The following RIMS1 variants were observed in gnomAD, a reference collection of about 807,000 sequenced individuals.
The protein encoded by RIMS1 is regulating synaptic membrane exocytosis protein 1.
Under a neutral mutation model 214.1 loss-of-function variants are expected in RIMS1, and 83 were observed. The observed-to-expected ratio is 0.39, with a 90% CI of 0.32 to 0.47. The LOEUF is 0.47. Among genes scored for constraint, RIMS1 ranks in the 20% least tolerant of loss-of-function variants. The pLI is 0.99. For synonymous variants in RIMS1, 793 were observed against 786.8 expected (o/e 1.01, Z -0.13); for missense variants, 2,050 against 2,161.8 (o/e 0.95, Z 1.03).
chr6:72,214,991 G>A (rs2055192674), intron 6 of RIMS1, among the ~76,000 whole-genome samples: 1 of 152,132 alleles, frequency 6.6e-6, no homozygotes, highest in East Asian at 1.9e-4. Context: ...CAAAGTGTTG[G>A]TATTATAGGC....
chr6:72,088,469 G>A (rs1486772476), intron 2 of RIMS1, among the ~76,000 whole-genome samples: 1 of 151,910 alleles, frequency 6.6e-6, no homozygotes, highest in Non-Finnish European at 1.5e-5. Context: ...CCGGCTCCAG[G>A]CTGGTCTCGA....
intron 29 of RIMS1, among the ~76,000 whole-genome samples, chr6:72,356,360 C>G (rs2097645027): frequency 6.6e-6 from 1 of 151,964 alleles, no homozygotes; most frequent in South Asian, 2.1e-4. Context: ...TGAAAGGCCT[C>G]TAATGGCAAA....
intron 2 of RIMS1, among the ~76,000 whole-genome samples, chr6:72,025,802 G>A (rs558413296): frequency 3.9e-5 from 6 of 152,300 alleles, no homozygotes; most frequent in Non-Finnish European, 7.3e-5. Flanking sequence ...CTTTCATGAG[G>A]TTACAGTCAG....
intron 4 of RIMS1, among the ~76,000 whole-genome samples, chr6:72,116,248 G>T (rs2153825051): frequency 6.6e-6 from 1 of 151,978 alleles, no homozygotes; most frequent in South Asian, 2.1e-4. Flanking sequence ...TTACTGTTTG[G>T]CTTAGACCAT....
At chr6:71,890,494 C>G (rs1030780638) in intron 1 of RIMS1, among the ~76,000 whole-genome samples, 3 of 113,112 alleles carry the variant, frequency 2.7e-5, no homozygotes, top group African/African-American at 1.1e-4. Context: ...CAATATATTA[C>G]ATAGGCTGAA....
intron 6 of RIMS1, among the ~76,000 whole-genome samples, chr6:72,183,785 AAGTT>A (rs896432812): frequency 3.3e-5 from 5 of 152,146 alleles, no homozygotes; most frequent in African/African-American, 7.2e-5. Context: ...AAATAAGAAA[AAGTT>A]AGGTATGTCA....
intron 1 of RIMS1, among the ~76,000 whole-genome samples, chr6:71,907,779 C>G (rs914330715): frequency 9.9e-5 from 15 of 152,146 alleles, no homozygotes; most frequent in Non-Finnish European, 2.1e-4. Flanking sequence ...ATGAGAAAAT[C>G]AAGTGCATGG....
At position 71,965,156 on chromosome 6, in the gene RIMS1, C is replaced by T. The variant is rs1283658045; in HGVS notation, c.165-3827C>T. ...ATTTATGATAGGAAAATTCAAAAAC[C>T]GTAACATTAAGAACAGAAATGTAAA... On this transcript the variant is annotated intron_variant, in intron 1 of 33. Coordinates refer to ENST00000521978, the MANE Select transcript of RIMS1 (RefSeq NM_014989.7). 3.9e-5 allele frequency among the ~76,000 whole-genome samples: 6 copies of T among 152,074 alleles called. No homozygotes were observed. In the South Asian group the frequency reaches 6.2e-4, roughly 16 times the overall value.
intron 6 of RIMS1, among the ~76,000 whole-genome samples, chr6:72,227,976 TA>T (rs1434402023): frequency 2.0e-5 from 3 of 151,894 alleles, no homozygotes; most frequent in Non-Finnish European, 4.4e-5. Flanking sequence ...TTTCTTTTTT[TA>T]AAAACCACTT....
At chr6:71,974,069 G>A (rs1396633744) in intron 2 of RIMS1, among the ~76,000 whole-genome samples, 2 of 152,182 alleles carry the variant, frequency 1.3e-5, no homozygotes, top group Non-Finnish European at 2.9e-5. Context: ...CCCATGGGAA[G>A]TTGTTTCACC....
chr6:72,267,776 A>T (rs2081283076), intron 22 of RIMS1, among the ~76,000 whole-genome samples: 1 of 152,166 alleles, frequency 6.6e-6, no homozygotes, highest in African/African-American at 2.4e-5. Context: ...GGCAAATTTA[A>T]TCTGTCAGAT....
At chr6:72,263,681 T>A in intron 19 of RIMS1, 1 of 985,342 alleles carries the variant, frequency 1.0e-6, no homozygotes, top group Non-Finnish European at 1.2e-6. Flanking sequence ...GCTAAATCCT[T>A]AGTTTCAGTA....
At chr6:71,982,219 A>T (rs1798685817) in intron 2 of RIMS1, among the ~76,000 whole-genome samples, 1 of 152,068 alleles carries the variant, frequency 6.6e-6, no homozygotes, top group Admixed American at 6.6e-5. Flanking sequence ...AAATACTTGG[A>T]CTGGTTCTTT....
intron 8 of RIMS1, among the ~76,000 whole-genome samples, chr6:72,237,440 C>T (rs1373087799): frequency 6.6e-5 from 10 of 151,664 alleles, no homozygotes; most frequent in Admixed American, 3.3e-4. Context: ...TTTGGGAGGC[C>T]GAGGCAGGAG....
At chr6:72,009,586 A>C (rs28810409) in intron 2 of RIMS1, among the ~76,000 whole-genome samples, 17,434 of 152,186 alleles carry the variant, frequency 0.11, 1,188 homozygotes, top group South Asian at 0.17. Context: ...AGCAAGACTA[A>C]TAAAGAAAAA....
chr6:72,237,578 A>G (rs1339701035), intron 8 of RIMS1, among the ~76,000 whole-genome samples: 2 of 151,836 alleles, frequency 1.3e-5, no homozygotes, highest in Non-Finnish European at 2.9e-5. Flanking sequence ...TGGTAGGCCA[A>G]AGTTAAAGGA....
chr6:72,307,511 C>A (rs1040119033), intron 27 of RIMS1, 141 bp downstream of exon 27: 10 of 515,798 alleles, frequency 1.9e-5, no homozygotes, highest in Middle Eastern at 4.6e-4. Flanking sequence ...GTAATCCCAG[C>A]AGTTTGGGAG....
chr6:72,320,629 A>G (rs2096095059), intron 28 of RIMS1, among the ~76,000 whole-genome samples: 2 of 152,062 alleles, frequency 1.3e-5, no homozygotes, highest in Admixed American at 6.5e-5. Flanking sequence ...CCAAAGAAAA[A>G]GAAAACTACT....
intron 1 of RIMS1, among the ~76,000 whole-genome samples, chr6:71,966,254 G>T (rs1210115215): frequency 6.6e-6 from 1 of 152,068 alleles, no homozygotes; most frequent in African/African-American, 2.4e-5. Flanking sequence ...CTGTGGCCAG[G>T]ATATATCTTA....
Sources: gnomAD v4.1 joint callset for allele counts (sites outside exome capture counted in the v4.1 genomes callset) on GRCh38, gnomAD v4.1.1 for gene constraint, MANE v1.5 for transcripts, NCBI Gene and HGNC (gene_info 2026-07-23, HGNC 2026-07-21) for gene names.